The following CNTN6 variants were observed in gnomAD, a reference collection of about 807,000 sequenced individuals.
CNTN6 encodes the protein contactin-6.
Under a neutral mutation model 122.8 loss-of-function variants are expected in CNTN6, and 137 were observed. The ratio of observed to expected loss-of-function variants is 1.12; its 90% CI spans 0.97 to 1.29. The LOEUF is 1.29. CNTN6 is among the 50% of genes most tolerant of loss of function. The pLI is 0.00. For missense variants in CNTN6, 1,634 were observed against 1,223.4 expected, an observed-to-expected ratio of 1.34 and a Z score of -5.01; for synonymous variants, 570 against 426.0, an observed-to-expected ratio of 1.34 and a Z score of -4.16.
chr3:1,133,666 A>C (rs942668943), intron 1 of CNTN6, among the ~76,000 whole-genome samples: 1 of 152,164 alleles, frequency 6.6e-6, no homozygotes, highest in African/African-American at 2.4e-5. Flanking sequence ...TCCTACAGAC[A>C]TGGGTAGACT....
At chr3:1,158,855 T>TATATATAC (rs2093048103) in intron 2 of CNTN6, among the ~76,000 whole-genome samples, 1 of 118,152 alleles carries the variant, frequency 8.5e-6, no homozygotes, top group Non-Finnish European at 1.6e-5. Flanking sequence ...TATACATACA[T>TATATATAC]ATATATACAC....
In CNTN6 at chr3:1,346,694, AG is replaced by A. The variant is rs376085892; in HGVS notation, c.1365-5627del. 7.6e-4 allele frequency among the ~76,000 whole-genome samples: 116 copies of A among 152,254 alleles called. 2 individuals carry two copies. The highest frequency in any genetic ancestry group is 2.6e-3 in the African/African-American group (108 of 41,546). On this transcript the variant is annotated intron_variant, in intron 11 of 22. Coordinates refer to ENST00000446702, the MANE Select transcript of CNTN6 (RefSeq NM_001289080.2). ...TTTTCTTTATAAATTACTGAGTCTCAGGGAGTCTGATAGAGCAACACTAAAT... is the reference window on the plus strand; with the variant it reads ...TTTTCTTTATAAATTACTGAGTCTCAGGAGTCTGATAGAGCAACACTAAAT...
chr3:1,338,767 A>G (rs1703462110), intron 11 of CNTN6, among the ~76,000 whole-genome samples: 1 of 152,192 alleles, frequency 6.6e-6, no homozygotes, highest in African/African-American at 2.4e-5. Context: ...TGTAATTTAT[A>G]CAAATGACCT....
At chr3:1,312,652 G>A (rs1484085891) in intron 7 of CNTN6, among the ~76,000 whole-genome samples, 2 of 148,668 alleles carry the variant, frequency 1.3e-5, no homozygotes, top group East Asian at 4.0e-4. Flanking sequence ...CTGGTTGCAA[G>A]ACACATTAGT....
chr3:1,326,046 A>G, intron 9 of CNTN6, 95 bp downstream of exon 9: 2 of 1,077,230 alleles, frequency 1.9e-6, no homozygotes, highest in South Asian at 1.6e-5. Flanking sequence ...GCTAATGTTA[A>G]TGGAGTCTTT....
At chr3:1,125,540 G>C (rs899697376) in intron 1 of CNTN6, among the ~76,000 whole-genome samples, 1 of 151,776 alleles carries the variant, frequency 6.6e-6, no homozygotes, top group African/African-American at 2.4e-5. Context: ...TATTATGCAG[G>C]TTCAAACCAG....
chr3:1,268,391 A>T (rs2094960822), intron 4 of CNTN6, among the ~76,000 whole-genome samples: 2 of 152,158 alleles, frequency 1.3e-5, no homozygotes, highest in African/African-American at 4.8e-5. Flanking sequence ...GCGGATCACG[A>T]GGTCAGGAGA....
chr3:1,330,546 G>C (rs955902931), intron 11 of CNTN6, among the ~76,000 whole-genome samples: 5 of 151,786 alleles, frequency 3.3e-5, no homozygotes, highest in Non-Finnish European at 7.4e-5. Context: ...CTATTGTACC[G>C]TAGAGCCTTG....
At chr3:1,199,480 A>G (rs1343869366) in intron 2 of CNTN6, among the ~76,000 whole-genome samples, 2 of 152,000 alleles carry the variant, frequency 1.3e-5, no homozygotes, top group Non-Finnish European at 2.9e-5. Flanking sequence ...ACACCCAGCC[A>G]AATTTGTTGT....
intron 7 of CNTN6, among the ~76,000 whole-genome samples, chr3:1,314,320 C>G (rs141398406): frequency 2.0e-5 from 3 of 152,154 alleles, no homozygotes; most frequent in East Asian, 1.9e-4. Flanking sequence ...GCTTCACTCT[C>G]TTTGATTAAA....
intron 1 of CNTN6, among the ~76,000 whole-genome samples, chr3:1,147,067 T>C (rs4582040): frequency 0.42 from 63,913 of 151,836 alleles, 13,722 homozygotes; most frequent in South Asian, 0.6. Context: ...AATTTAAAAA[T>C]ACATCAAGAA....
chr3:1,386,389 T>C (rs944345694), intron 20 of CNTN6, among the ~76,000 whole-genome samples: 4 of 152,186 alleles, frequency 2.6e-5, no homozygotes, highest in Non-Finnish European at 4.4e-5. Flanking sequence ...AATCTAAGAA[T>C]GAACTCTTCT....
At chr3:1,283,303 G>A (rs571557734) in intron 5 of CNTN6, among the ~76,000 whole-genome samples, 77 of 152,250 alleles carry the variant, frequency 5.1e-4, no homozygotes, top group African/African-American at 1.7e-3. Flanking sequence ...GGAGCAGGAT[G>A]TTACCGTGCC....
intron 11 of CNTN6, among the ~76,000 whole-genome samples, chr3:1,335,426 G>T (rs939910488): frequency 2.6e-5 from 4 of 152,188 alleles, no homozygotes; most frequent in East Asian, 1.9e-4. Flanking sequence ...CATCTGCTAA[G>T]TTTGATTAAT....
At chr3:1,241,299 T>C (rs529750126) in intron 4 of CNTN6, among the ~76,000 whole-genome samples, 90 of 136,224 alleles carry the variant, frequency 6.6e-4, no homozygotes, top group African/African-American at 2.3e-3. Flanking sequence ...GTTGGGGTGG[T>C]GAAAATTTTT....
intron 12 of CNTN6, among the ~76,000 whole-genome samples, chr3:1,353,478 T>C (rs992686781): frequency 6.6e-6 from 1 of 151,656 alleles, no homozygotes; most frequent in Non-Finnish European, 1.5e-5. Context: ...ATGTGACTGA[T>C]AAAACTTGGT....
At position 1,372,850 on chromosome 3, in the gene CNTN6, G is replaced by A. The variant is rs1342982205; in HGVS notation, c.1681G>A (p.Asp561Asn). Residue 561 changes from aspartate (D) to asparagine (N), a missense_variant, in exon 14 of 23, where the codon GAT (aspartate) becomes AAT (asparagine). Asp to Asn is a conservative substitution (Grantham distance 23). Coordinates refer to ENST00000446702, the MANE Select transcript of CNTN6 (RefSeq NM_001289080.2). ...TTTCTGTCTGCAGGAATCTGTTGGG[G>A]ATTTGATGATAAGGAATATTCAGTT... is the stretch of plus-strand genomic sequence containing the variant. ...FERIGGESVG[D>N]LMIRNIQLHH... 3 of 1,597,178 alleles carry A rather than the reference G, an allele frequency of 1.9e-6. No individual in the cohort carries two copies. The highest frequency in any genetic ancestry group is 2.2e-5 in the East Asian group (1 of 44,532).
chr3:1,226,079 A>T (rs2094279455), intron 3 of CNTN6, among the ~76,000 whole-genome samples: 1 of 152,120 alleles, frequency 6.6e-6, no homozygotes. Context: ...GGGTTTTGCC[A>T]TGTTGCCCAG....
At chr3:1,389,579 G>T (rs1292632890) in intron 20 of CNTN6, among the ~76,000 whole-genome samples, 1 of 152,126 alleles carries the variant, frequency 6.6e-6, no homozygotes, top group Admixed American at 6.5e-5. Flanking sequence ...AACTTTAAAT[G>T]TAAATGGACT....
Sources: gnomAD v4.1 joint callset for allele counts (sites outside exome capture counted in the v4.1 genomes callset) on GRCh38, gnomAD v4.1.1 for gene constraint, MANE v1.5 for transcripts, NCBI Gene and HGNC (gene_info 2026-07-23, HGNC 2026-07-21) for gene names.